ARL10: variants seen among roughly 807,000 people sequenced by gnomAD.
ARL10 encodes ADP-ribosylation factor-like protein 10.
ARL10 carries 23 observed loss-of-function variants against 26.1 expected under a neutral mutation model. The observed-to-expected ratio is 0.88, with a 90% CI of 0.63 to 1.25. The LOEUF (loss-of-function observed/expected upper bound fraction) is 1.25. Among genes scored for constraint, ARL10 ranks in the 50% most tolerant of loss-of-function variants. The pLI is 0.00. For missense variants in ARL10, 300 were observed against 323.6 expected (o/e 0.93, Z 0.56); for synonymous variants, 138 against 149.1 (o/e 0.93, Z 0.54).
At position 176,396,920 on chromosome 5, in the gene ARL10, ACC is replaced by A. The variant is rs199705248; in HGVS notation, c.134-4819_134-4818del. ...TAATACATCACATTTTTTTCTTCGT[ACC>A]CAGGTCTAGAATGCCCCCCTACCTC... On this transcript the variant is annotated intron_variant, in intron 1 of 1. Coordinates refer to the ARL10 transcript ENST00000514533. 4.1e-3 allele frequency among the ~76,000 whole-genome samples: 619 copies of A among 151,610 alleles called. 3 individuals carry two copies. The highest frequency in any genetic ancestry group is 0.014 in the African/African-American group (583 of 41,262).
At chr5:176,401,959 C>T (rs564503614), downstream of ARL10, 5 of 339,426 alleles carry the variant, frequency 1.5e-5, no homozygotes, top group East Asian at 8.0e-5. Flanking sequence ...ACAAAATGCC[C>T]GAATGACCTA....
In ARL10 at chr5:176,365,613, C is replaced by T. The variant is rs921064191; in HGVS notation, c.50C>T (p.Ala17Val). 2.4e-6 allele frequency: 3 copies of T among 1,258,120 alleles called. No homozygotes were observed. Among genetic ancestry groups the T allele is most frequent in the Admixed American group, 8.0e-5 (2 of 24,864 alleles). 77.9% of individuals were successfully genotyped at this position (1,258,120 alleles called of 1,614,324 possible). ...TTGGTGCTGGCGCTGGGCGGCGCCG[C>T]GGCGGTGCTGGGCTCGGTGCTCTTC... Reference protein sequence around the residue: ...GPLVLALGGAAAVLGSVLFIL... With the variant: ...GPLVLALGGAVAVLGSVLFIL... Residue 17 changes from alanine to valine, a missense_variant, in exon 1 of 4, where the codon GCG becomes GTG. Transcript: ENST00000310389.
chr5:176,387,393 A>G (rs933056432), intron 1 of ARL10, among the ~76,000 whole-genome samples: 1 of 152,222 alleles, frequency 6.6e-6, no homozygotes, highest in African/African-American at 2.4e-5. Flanking sequence ...TTAAATCCCC[A>G]GGGTGCTTAG....
At chr5:176,392,708 C>G, downstream of ARL10, 2 of 1,578,674 alleles carry the variant, frequency 1.3e-6, no homozygotes, top group Admixed American at 1.7e-5. This position sits in a 1 kb window ranked among gnomAD's most constrained non-coding sequence, Gnocchi z 5.2. Flanking sequence ...CCACCCCGAC[C>G]AAAGCAGCTG....
At chr5:176,405,192 T>C (rs1757040234), downstream of ARL10, among the ~76,000 whole-genome samples, 1 of 152,060 alleles carries the variant, frequency 6.6e-6, no homozygotes, top group Admixed American at 6.6e-5. Flanking sequence ...CTGTCTTCTA[T>C]TAGAAGCGAG....
At chr5:176,386,250 G>C (rs1375633474), downstream of ARL10, 1 of 178,928 alleles carries the variant, frequency 5.6e-6, no homozygotes, top group East Asian at 1.4e-4. Context: ...ATACAATCCT[G>C]TGCAGTAATT....
the ARL10 span, among the ~76,000 whole-genome samples, chr5:176,408,715 CT>C: frequency 6.6e-6 from 1 of 152,180 alleles, no homozygotes; most frequent in Non-Finnish European, 1.5e-5. Context: ...GAAATGGGGT[CT>C]TACTATGTTG....
chr5:176,384,379 G>C (rs755621412), downstream of ARL10: 1 of 1,609,392 alleles, frequency 6.2e-7, no homozygotes, highest in South Asian at 1.1e-5. Context: ...CATGGCCTAA[G>C]AGGAGAAGGG....
chr5:176,374,593 T>C lies in ARL10; in HGVS notation c.*2698T>C, dbSNP rs952543108. The C allele has an allele frequency of 2.6e-5, 4 of 152,188 alleles. No homozygotes were observed. The allele number at this position is 152,188 out of a possible 1,614,324, so 9.4% of individuals were successfully genotyped here. On this transcript the variant is annotated 3_prime_UTR_variant, in exon 4 of 4. Coordinates refer to ENST00000310389, the MANE Select transcript of ARL10 (RefSeq NM_173664.6). ...AATCAAACAACTCAAGTTCAGACGA[T>C]AAAAATAGTTCAACAGCGTGCAAGC...
chr5:176,378,494 A>G lies in ARL10; in HGVS notation c.*6599A>G, dbSNP rs1450382261. 1 of 152,206 alleles carries G rather than the reference A, an allele frequency of 6.6e-6. No homozygotes were observed. Among genetic ancestry groups the G allele is most frequent in the Non-Finnish European group, 1.5e-5 (1 of 68,038 alleles). The allele number at this position is 152,206 out of a possible 1,614,324, so 9.4% of individuals were successfully genotyped here. On this transcript the variant is annotated 3_prime_UTR_variant, in exon 4 of 4. Coordinates refer to ENST00000310389, the MANE Select transcript of ARL10 (RefSeq NM_173664.6). Reference sequence around the variant, plus strand: ...ATAGGGGCTCCACTAGAAGTGAGAAACCCTCTTTGTTTCCATAACATGCCA... The same window carrying G: ...ATAGGGGCTCCACTAGAAGTGAGAAGCCCTCTTTGTTTCCATAACATGCCA...
At chr5:176,383,255 G>A (rs530011467), downstream of ARL10, among the ~76,000 whole-genome samples, 5 of 152,324 alleles carry the variant, frequency 3.3e-5, no homozygotes, top group South Asian at 4.1e-4. Flanking sequence ...GAGAACGAGC[G>A]ACAAGAGACA....
chr5:176,393,597 G>A (rs1756355558), downstream of ARL10, among the ~76,000 whole-genome samples: 1 of 152,136 alleles, frequency 6.6e-6, no homozygotes, highest in East Asian at 1.9e-4. The surrounding 1 kb of genome is among the most constrained non-coding windows in gnomAD (Gnocchi z 4.4). Flanking sequence ...CATCCCAAGC[G>A]TCTTTCACCA....
chr5:176,366,536 T>G lies in ARL10; in HGVS notation c.340T>G (p.Ser114Ala). The G allele has an allele frequency of 6.2e-7, 1 of 1,614,072 alleles. No homozygotes were observed. Among genetic ancestry groups the G allele is most frequent in the Non-Finnish European group, 8.5e-7 (1 of 1,180,020 alleles). Residue 114 changes from serine to alanine, a missense_variant, in exon 2 of 4, where the codon TCC becomes GCC. By Grantham distance (99) the Ser-to-Ala change is moderately conservative. Transcript: ENST00000310389. ...EGHIPTWGFNSVRLPTKDFEV... is the reference protein window; with the variant it reads ...EGHIPTWGFNAVRLPTKDFEV... ...CCACATCCCCACCTGGGGCTTCAACTCCGTGCGTCTGCCCACCAAGGACTT... is the reference window on the plus strand; with the variant it reads ...CCACATCCCCACCTGGGGCTTCAACGCCGTGCGTCTGCCCACCAAGGACTT...
At chr5:176,396,892 G>GC (rs1442052657) in intron 1 of ARL10, among the ~76,000 whole-genome samples, 1 of 152,024 alleles carries the variant, frequency 6.6e-6, no homozygotes, top group African/African-American at 2.4e-5. Flanking sequence ...GCCCCCTGTT[G>GC]CCTAATACAT....
chr5:176,407,915 A>G, the ARL10 span, among the ~76,000 whole-genome samples: 2 of 152,140 alleles, frequency 1.3e-5, no homozygotes, highest in African/African-American at 2.4e-5. Context: ...ACATAAGAAA[A>G]TAAGTATTGT....
chr5:176,372,005 TC>T lies in ARL10; in HGVS notation c.*114del. On this transcript the variant is annotated 3_prime_UTR_variant, in exon 4 of 4. Transcript: ENST00000310389. Reference sequence around the variant, plus strand: ...GAGCCACATGGCAGCATTTCCCTTTTCCCCTCCTTTGCCTTTCAAGAGCAGG... The same window carrying T: ...GAGCCACATGGCAGCATTTCCCTTTTCCCTCCTTTGCCTTTCAAGAGCAGG... 6.8e-7 allele frequency: 1 copy of T among 1,476,898 alleles called. No individual in the cohort carries two copies. The highest frequency in any genetic ancestry group is 9.0e-7 in the Non-Finnish European group (1 of 1,111,752). 91.5% of individuals were successfully genotyped at this position (1,476,898 alleles called of 1,614,324 possible).
At chr5:176,389,237 C>T, downstream of ARL10, 2 of 1,432,850 alleles carry the variant, frequency 1.4e-6, no homozygotes, top group South Asian at 1.3e-5. Flanking sequence ...CGCTGTGATC[C>T]AGAGATCTTG....
At chr5:176,392,415 G>A (rs539779428), downstream of ARL10, 1 of 198,782 alleles carries the variant, frequency 5.0e-6, no homozygotes, top group South Asian at 1.5e-4. The surrounding 1 kb of genome is among the most constrained non-coding windows in gnomAD (Gnocchi z 5.2). Context: ...TCATGAAGCT[G>A]GGAAAGTTCT....
chr5:176,388,189 G>T (rs746987248), intron 1 of ARL10: 1 of 1,400,410 alleles, frequency 7.1e-7, no homozygotes. Context: ...AGTATGGCGG[G>T]GGAAGAGTAA....
Sources: gnomAD v4.1 joint callset for allele counts (sites outside exome capture counted in the v4.1 genomes callset) on GRCh38, gnomAD v4.1.1 for gene constraint, Gnocchi (gnomAD v3.1) non-coding constraint, MANE v1.5 for transcripts, NCBI Gene and HGNC (gene_info 2026-07-23, HGNC 2026-07-21) for gene names.